Variants in CTNNA2 observed in about 807,000 individuals in gnomAD.
CTNNA2 encodes the protein catenin alpha-2.
In CTNNA2, 42 loss-of-function variants were observed where a neutral mutation model predicts 101.0. The observed-to-expected ratio is 0.42, with a 90% CI of 0.32 to 0.54. The LOEUF (loss-of-function observed/expected upper bound fraction) is 0.54. Ranked by LOEUF, CTNNA2 falls within the 20% of genes least tolerant of loss-of-function variation. CTNNA2 has a pLI of 0.14. For missense variants in CTNNA2, 871 were observed against 1,223.1 expected (o/e 0.71, Z 4.29); for synonymous variants, 450 against 456.4 (o/e 0.99, Z 0.18).
At chr2:79,850,321 TCATC>T (rs1680592826) in intron 3 of CTNNA2, among the ~76,000 whole-genome samples, 1 of 99,844 alleles carries the variant, frequency 1.0e-5, no homozygotes, top group African/African-American at 4.2e-5. Context: ...CTTTCTTCCT[TCATC>T]CCTCCCTCCC....
At chr2:79,952,344 A>G (rs551543796) in intron 7 of CTNNA2, among the ~76,000 whole-genome samples, 1 of 152,212 alleles carries the variant, frequency 6.6e-6, no homozygotes, top group East Asian at 1.9e-4. Context: ...AACAACAACA[A>G]CCGAAACTTT....
At chr2:80,332,956 C>T (rs777705076) in intron 7 of CTNNA2, among the ~76,000 whole-genome samples, 5 of 152,150 alleles carry the variant, frequency 3.3e-5, no homozygotes, top group Admixed American at 1.3e-4. Context: ...TAATATTTTG[C>T]GACATTTGAA....
At chr2:80,458,125 G>T (rs1329016474) in intron 9 of CTNNA2, among the ~76,000 whole-genome samples, 1 of 152,086 alleles carries the variant, frequency 6.6e-6, no homozygotes, top group African/African-American at 2.4e-5. Flanking sequence ...TGTACATTTT[G>T]TCTAACTTCC....
At chr2:80,497,574 G>T (rs1687568081) in intron 9 of CTNNA2, among the ~76,000 whole-genome samples, 1 of 152,098 alleles carries the variant, frequency 6.6e-6, no homozygotes, top group South Asian at 2.1e-4. Context: ...TAGCCCCCAA[G>T]ATTTCTGTCC....
chr2:79,482,708 G>A (rs554259050), intron 4 of CTNNA2, among the ~76,000 whole-genome samples: 1 of 152,294 alleles, frequency 6.6e-6, no homozygotes, highest in East Asian at 1.9e-4. Flanking sequence ...CCAGCATTCA[G>A]TCAGGGCAAA....
chr2:80,334,077 T>C (rs1272507366), intron 7 of CTNNA2, among the ~76,000 whole-genome samples: 1 of 152,192 alleles, frequency 6.6e-6, no homozygotes, highest in Non-Finnish European at 1.5e-5. Context: ...TGGACCTTTC[T>C]GCTGTCAGAA....
intron 7 of CTNNA2, among the ~76,000 whole-genome samples, chr2:80,151,742 G>A (rs1422337689): frequency 2.0e-5 from 3 of 152,142 alleles, no homozygotes; most frequent in East Asian, 3.9e-4. Context: ...TACTGGTCCC[G>A]ATTTCTGTGT....
intron 1 of CTNNA2, among the ~76,000 whole-genome samples, chr2:79,631,063 A>G (rs1022822290): frequency 1.4e-5 from 2 of 147,552 alleles, no homozygotes; most frequent in Non-Finnish European, 3.0e-5. Flanking sequence ...CCCCTGGCAG[A>G]TTTTTTTTTT....
chr2:80,617,587 C>G, intron 17 of CTNNA2, among the ~76,000 whole-genome samples: 1 of 151,596 alleles, frequency 6.6e-6, no homozygotes, highest in African/African-American at 2.4e-5. Flanking sequence ...TTTCTATTTA[C>G]TTTAATTCTT....
At chr2:80,623,048 T>TAAA (rs367889797) in intron 18 of CTNNA2, among the ~76,000 whole-genome samples, 34,352 of 121,002 alleles carry the variant, frequency 0.28, 5,291 homozygotes, top group Non-Finnish European at 0.36. Flanking sequence ...CGCTAGTTTC[T>TAAA]AAAAAAAAAA....
At chr2:79,739,538 G>T (rs1433130905) in intron 2 of CTNNA2, among the ~76,000 whole-genome samples, 1 of 152,174 alleles carries the variant, frequency 6.6e-6, no homozygotes, top group East Asian at 1.9e-4. Flanking sequence ...GTTTAAGAAA[G>T]CATGCTGATA....
At chr2:79,859,019 G>A (rs984044044) in intron 4 of CTNNA2, among the ~76,000 whole-genome samples, 5 of 151,634 alleles carry the variant, frequency 3.3e-5, no homozygotes, top group Non-Finnish European at 1.5e-5. Context: ...TAACTTAGCT[G>A]CTTGGGAATA....
intron 3 of CTNNA2, among the ~76,000 whole-genome samples, chr2:79,763,081 T>A (rs1672909327): frequency 6.6e-6 from 1 of 152,220 alleles, no homozygotes; most frequent in South Asian, 2.1e-4. Context: ...TATTCTTTTA[T>A]TTGACAGTTT....
At chr2:80,152,317 G>GT (rs113520232) in intron 7 of CTNNA2, among the ~76,000 whole-genome samples, 18,985 of 143,046 alleles carry the variant, frequency 0.13, 2,384 homozygotes, top group African/African-American at 0.34. Context: ...GCCACTTGAT[G>GT]TTTTTTTTTT....
chr2:80,314,902 C>T (rs1677953892), intron 7 of CTNNA2, among the ~76,000 whole-genome samples: 3 of 152,206 alleles, frequency 2.0e-5, no homozygotes, highest in Admixed American at 6.5e-5. Flanking sequence ...CATCTAATAA[C>T]ATTGTGAAAA....
At chr2:79,381,920 C>T (rs1167520215) in intron 4 of CTNNA2, among the ~76,000 whole-genome samples, 3 of 152,262 alleles carry the variant, frequency 2.0e-5, no homozygotes, top group Admixed American at 1.3e-4. Flanking sequence ...TAAATGACTG[C>T]GTGATTGCTA....
intron 1 of CTNNA2, among the ~76,000 whole-genome samples, chr2:79,608,755 A>G (rs754307179): frequency 4.6e-5 from 7 of 152,098 alleles, no homozygotes; most frequent in Non-Finnish European, 7.4e-5. Context: ...AACTTCTTCA[A>G]CCAATAAAGA....
Position 80,107,608 on chromosome 2 carries a change from C to T in CTNNA2, c.1056+197811C>T, listed in dbSNP as rs117194338. On this transcript the variant is annotated intron_variant, in intron 7 of 18. Coordinates refer to ENST00000402739, the MANE Select transcript of CTNNA2 (RefSeq NM_001282597.3). ...GGGCAACCTCATTCTTCTTGGATGC[C>T]GAACAGAGCTCAGGACTCACGGAGT... is the stretch of plus-strand genomic sequence containing the variant. Among the ~76,000 whole-genome samples the T allele has an allele frequency of 5.3e-5, 8 of 152,302 alleles. No homozygotes were observed. In the East Asian group the frequency reaches 5.8e-4, roughly 11 times the overall value.
intron 4 of CTNNA2, among the ~76,000 whole-genome samples, chr2:79,387,440 T>A (rs1259035680): frequency 6.6e-6 from 1 of 152,222 alleles, no homozygotes; most frequent in East Asian, 1.9e-4. Flanking sequence ...TTTTCCCATA[T>A]GGAACCAGCG....
Sources: allele counts gnomAD v4.1 joint callset (sites outside exome capture counted in the v4.1 genomes callset), GRCh38; gene constraint gnomAD v4.1.1; transcripts MANE v1.5; gene names NCBI Gene and HGNC (gene_info 2026-07-23, HGNC 2026-07-21).